The following RNF13 variants were observed in gnomAD, a reference collection of about 807,000 sequenced individuals.
RNF13 encodes the protein E3 ubiquitin-protein ligase RNF13.
In RNF13, 19 loss-of-function variants were observed where a neutral mutation model predicts 37.7. The ratio of observed to expected loss-of-function variants is 0.50; its 90% CI spans 0.35 to 0.74. The LOEUF (loss-of-function observed/expected upper bound fraction) is 0.74. RNF13 is among the 30% of genes least tolerant of loss of function. The pLI is 0.01. For missense variants in RNF13, 375 were observed against 453.0 expected (o/e 0.83, Z 1.56); for synonymous variants, 144 against 157.8 (o/e 0.91, Z 0.65).
At chr3:149,956,140 A>G (rs1228652328) in intron 8 of RNF13, among the ~76,000 whole-genome samples, 1 of 152,106 alleles carries the variant, frequency 6.6e-6, no homozygotes, top group African/African-American at 2.4e-5. Flanking sequence ...AAGGAGGTCA[A>G]ATTTTATTCT....
chr3:149,898,739 GAGA>G (rs1246001277), intron 5 of RNF13, among the ~76,000 whole-genome samples: 3 of 152,158 alleles, frequency 2.0e-5, no homozygotes, highest in Non-Finnish European at 4.4e-5. Context: ...TAGAGTAGGA[GAGA>G]AGAAATGAAC....
rs1250917307 is a variant in RNF13 at position 149,875,086 on chromosome 3, A to C, written c.321+2932A>C. On this transcript the variant is annotated intron_variant, in intron 4 of 9. Coordinates refer to ENST00000392894, the MANE Select transcript of RNF13 (RefSeq NM_183381.3). ...GATGCATTGACTTAAGATAGTTAGA[A>C]AAATGATATATTTCCTTATTTATTA... Among the ~76,000 whole-genome samples, 9 of 152,148 alleles carry C rather than the reference A, an allele frequency of 5.9e-5. No homozygotes were observed. In the South Asian group the frequency reaches 1.9e-3, roughly 32 times the overall value.
Position 149,921,197 on chromosome 3 carries a change from A to G in RNF13, c.670A>G (p.Lys224Glu), listed in dbSNP as rs751133228. 9 of 1,427,604 alleles carry G rather than the reference A, an allele frequency of 6.3e-6. No homozygotes were observed. The highest frequency in any genetic ancestry group is 6.5e-6 in the Non-Finnish European group (7 of 1,073,204). 88.4% of individuals were successfully genotyped at this position (1,427,604 alleles called of 1,614,324 possible). Residue 224 changes from lysine (K) to glutamate (E), a missense_variant, in exon 8 of 10, where the codon AAG (lysine) becomes GAG (glutamate). Lys to Glu is a moderately conservative substitution (Grantham distance 56). Coordinates refer to ENST00000392894, the MANE Select transcript of RNF13 (RefSeq NM_183381.3). The stretch of plus-strand genomic sequence containing the variant: ...AAACAGACTTCGTAAAGATCAACTT[A>G]AGAAACTTCCTGTACATAAATTCAA... ...RRNRLRKDQLKKLPVHKFKKG... is the reference protein window; with the variant it reads ...RRNRLRKDQLEKLPVHKFKKG...
At chr3:149,825,104 G>A (rs1720365444) in intron 1 of RNF13, among the ~76,000 whole-genome samples, 1 of 151,480 alleles carries the variant, frequency 6.6e-6, no homozygotes, top group South Asian at 2.1e-4. Flanking sequence ...GACTATAGGT[G>A]CATGCCACCA....
At chr3:149,859,115 G>A (rs1723959991) in intron 3 of RNF13, among the ~76,000 whole-genome samples, 1 of 152,156 alleles carries the variant, frequency 6.6e-6, no homozygotes, top group African/African-American at 2.4e-5. Flanking sequence ...CCCTGGTTAA[G>A]GCTCAATGTG....
intron 1 of RNF13, among the ~76,000 whole-genome samples, chr3:149,826,390 T>G (rs1041356219): frequency 6.6e-6 from 1 of 152,244 alleles, no homozygotes; most frequent in Non-Finnish European, 1.5e-5. Flanking sequence ...CTGCTCAGAT[T>G]TGTTAACTCT....
At chr3:149,911,418 G>A (rs1716985306) in intron 6 of RNF13, among the ~76,000 whole-genome samples, 1 of 152,136 alleles carries the variant, frequency 6.6e-6, no homozygotes, top group Non-Finnish European at 1.5e-5. Flanking sequence ...AGCACTTTGG[G>A]AGGCCAAGGC....
chr3:149,903,589 C>T (rs1576851010), intron 6 of RNF13, among the ~76,000 whole-genome samples: 1 of 152,016 alleles, frequency 6.6e-6, no homozygotes, highest in East Asian at 1.9e-4. Flanking sequence ...TAATTTGTAA[C>T]TTGCTTTATT....
chr3:149,832,322 A>G (rs1721142530), intron 1 of RNF13, among the ~76,000 whole-genome samples: 1 of 152,220 alleles, frequency 6.6e-6, no homozygotes, highest in Non-Finnish European at 1.5e-5. Flanking sequence ...GCAGTGAAGC[A>G]GTTGGTATCA....
rs146907927 is a variant in RNF13, at chr3:149,872,116, G to A, written c.283G>A (p.Val95Met). The change falls in exon 4 of 10, where the codon GTG (valine) becomes ATG (methionine). Residue 95 changes from valine to methionine, a missense_variant. Transcript: ENST00000392894. ...AGACAATTCATCTGGCACTTTCATC[G>A]TGTTAATTAGAAGACTTGATTGTAA... ...VKDNSSGTFI[V>M]LIRRLDCNFD... is the part of the protein sequence containing the mutation. 3.8e-6 allele frequency: 6 copies of A among 1,596,116 alleles called. No individual in the cohort carries two copies. Among genetic ancestry groups the A allele is most frequent in the South Asian group, 1.1e-5 (1 of 89,040 alleles).
intron 5 of RNF13, among the ~76,000 whole-genome samples, chr3:149,896,272 A>C (rs1413749468): frequency 6.6e-6 from 1 of 152,132 alleles, no homozygotes; most frequent in African/African-American, 2.4e-5. Flanking sequence ...TAACCATAAT[A>C]TATTTTGTTA....
At chr3:149,947,507 C>T (rs1042223087) in intron 8 of RNF13, among the ~76,000 whole-genome samples, 1 of 151,730 alleles carries the variant, frequency 6.6e-6, no homozygotes, top group Admixed American at 6.6e-5. Flanking sequence ...TGGGCTTAAG[C>T]GATTCTTCTG....
At chr3:149,896,740 A>G (rs1281441770) in intron 5 of RNF13, among the ~76,000 whole-genome samples, 2 of 151,890 alleles carry the variant, frequency 1.3e-5, no homozygotes, top group South Asian at 2.1e-4. Context: ...CAGCCTCCCA[A>G]AGTGCTGGGA....
intron 5 of RNF13, among the ~76,000 whole-genome samples, chr3:149,896,542 C>T (rs924127881): frequency 3.3e-5 from 5 of 150,538 alleles, no homozygotes; most frequent in African/African-American, 4.9e-5. Context: ...TGCAATGGTG[C>T]GATGTTGGCT....
chr3:149,842,447 A>G (rs1445117553), intron 1 of RNF13, among the ~76,000 whole-genome samples: 2 of 152,214 alleles, frequency 1.3e-5, no homozygotes. Flanking sequence ...GAGTTGTCTT[A>G]TAGGTCCTAT....
Position 149,949,760 on chromosome 3 carries a change from CT to C in RNF13, c.701-10291del, listed in dbSNP as rs1226649144. 1.0e-4 allele frequency among the ~76,000 whole-genome samples: 14 copies of C among 138,878 alleles called. No individual in the cohort carries two copies. In the Admixed American group the frequency reaches 1.0e-3, roughly 10 times the overall value. The allele number at this position is 138,878 out of a possible 152,430, so 91.1% of individuals were successfully genotyped here. On this transcript the variant is annotated intron_variant, in intron 8 of 9. Coordinates refer to ENST00000392894, the MANE Select transcript of RNF13 (RefSeq NM_183381.3). ...TTTTTTTCTTCTCTTCATTTCTTCTCTTTTTCTTCTTTCTTTTTTGGGGATT... is the reference window on the plus strand; with the variant it reads ...TTTTTTTCTTCTCTTCATTTCTTCTCTTTTCTTCTTTCTTTTTTGGGGATT...
In RNF13 at chr3:149,903,884, T is replaced by C. The variant is rs547450893; in HGVS notation, c.500+1722T>C. 3.2e-4 allele frequency among the ~76,000 whole-genome samples: 48 copies of C among 152,248 alleles called. No individual in the cohort carries two copies. The South Asian group carries it at 8.7e-3, about 28-fold the overall frequency. On this transcript the variant is annotated intron_variant, in intron 6 of 9. Coordinates refer to ENST00000392894, the MANE Select transcript of RNF13 (RefSeq NM_183381.3). The stretch of plus-strand genomic sequence containing the variant: ...AGGTTTTAGAATTGGTCATAAGGAA[T>C]TGTAGACCCGTACATAAAGATCTAC...
chr3:149,952,438 A>G (rs1192934213), intron 8 of RNF13, among the ~76,000 whole-genome samples: 4 of 152,074 alleles, frequency 2.6e-5, no homozygotes, highest in African/African-American at 9.7e-5. Context: ...TTTTTATTTA[A>G]TTTCCTTTAT....
chr3:149,891,222 A>G (rs1019756430), intron 4 of RNF13, among the ~76,000 whole-genome samples: 1 of 152,228 alleles, frequency 6.6e-6, no homozygotes, highest in African/African-American at 2.4e-5. Flanking sequence ...ACTATAGAAA[A>G]GAATATCTAC....
Sources: gnomAD v4.1 joint callset for allele counts (sites outside exome capture counted in the v4.1 genomes callset) on GRCh38, gnomAD v4.1.1 for gene constraint, MANE v1.5 for transcripts, NCBI Gene and HGNC (gene_info 2026-07-23, HGNC 2026-07-21) for gene names.